The following TRIO variants were observed in gnomAD, a reference collection of about 807,000 sequenced individuals.
TRIO encodes the protein trio Rho guanine nucleotide exchange factor.
In TRIO, 58 loss-of-function variants were observed where a neutral mutation model predicts 351.9. The observed-to-expected ratio is 0.16, with a 90% CI of 0.13 to 0.21. The LOEUF (loss-of-function observed/expected upper bound fraction) is 0.21, where lower values mean the gene tolerates loss of function less well. Among genes scored for constraint, TRIO ranks in the 10% least tolerant of loss-of-function variants. The pLI is 1.00. For missense variants in TRIO, 3,201 were observed against 4,027.8 expected, an observed-to-expected ratio of 0.79 and a Z score of 5.56; for synonymous variants, 1,758 against 1,595.7, an observed-to-expected ratio of 1.10 and a Z score of -2.42.
intron 6 of TRIO, among the ~76,000 whole-genome samples, chr5:14,295,766 C>T (rs1189480666): frequency 6.6e-6 from 1 of 152,196 alleles, no homozygotes; most frequent in Admixed American, 6.5e-5. Context: ...GCGTTAATGC[C>T]ACACGAGCCA....
rs1581541027 is a variant in TRIO, at chr5:14,290,712, TAAGA to T, written c.541-3_541del. The T allele has an allele frequency of 2.5e-6, 4 of 1,584,032 alleles. No individual in the cohort carries two copies. Among genetic ancestry groups the T allele is most frequent in the Middle Eastern group, 1.7e-4 (1 of 5,880 alleles). On this transcript the variant is annotated splice_acceptor_variant and splice_polypyrimidine_tract_variant and coding_sequence_variant and intron_variant, in exon 5 of 57. Transcript: ENST00000344204. LOFTEE classifies it high-confidence loss of function. The stretch of plus-strand genomic sequence containing the variant: ...TTCTCATACGTGATTTTTTTTCCCT[TAAGA>T]CAAATATGGTCTCTTTAGAAGGCCT...
intron 1 of TRIO, among the ~76,000 whole-genome samples, chr5:14,206,161 A>G (rs1336809364): frequency 6.6e-6 from 1 of 152,186 alleles, no homozygotes; most frequent in African/African-American, 2.4e-5. Flanking sequence ...TCCCGGCACA[A>G]GTGATCCTTC....
Position 14,399,057 on chromosome 5 carries a change from A to G in TRIO, c.4601A>G (p.Lys1534Arg). The change falls in exon 30 of 57, where the codon AAA becomes AGA. Residue 1534 changes from lysine (K) to arginine (R), a missense_variant. Coordinates refer to ENST00000344204, the MANE Select transcript of TRIO (RefSeq NM_007118.4). ...DSSGRSKYLY[K>R]SKLFTSELGV... is the part of the protein sequence containing the mutation. The stretch of plus-strand genomic sequence containing the variant: ...AGTGGGAGAAGCAAGTACCTTTATA[A>G]AAGCAAATTGTTTGTAAGTATAGGC... The G allele has an allele frequency of 5.6e-6, 9 of 1,614,108 alleles. No homozygotes were observed. Among genetic ancestry groups the G allele is most frequent in the Non-Finnish European group, 6.8e-6 (8 of 1,179,942 alleles).
chr5:14,377,648 A>G (rs1745680139), intron 19 of TRIO, among the ~76,000 whole-genome samples: 1 of 152,152 alleles, frequency 6.6e-6, no homozygotes, highest in African/African-American at 2.4e-5. Flanking sequence ...CAAGGTTTTA[A>G]TAGTCTTGAA....
chr5:14,267,453 AG>A lies in TRIO; in HGVS notation c.158-3371del, dbSNP rs571819503. On this transcript the variant is annotated intron_variant, in intron 1 of 56. Coordinates refer to ENST00000344204, the MANE Select transcript of TRIO (RefSeq NM_007118.4). ...GGGCAGCCTGTATTTGCTGCTGTTCAGTAAGTTTGAGAACCACAGTTAGATC... is the reference window on the plus strand; with the variant it reads ...GGGCAGCCTGTATTTGCTGCTGTTCATAAGTTTGAGAACCACAGTTAGATC... Among the ~76,000 whole-genome samples, 15 of 152,306 alleles carry A rather than the reference AG, an allele frequency of 9.8e-5. No homozygotes were observed. The South Asian group carries it at 2.9e-3, about 30-fold the overall frequency.
chr5:14,466,935 C>G (rs1292232710), intron 37 of TRIO, among the ~76,000 whole-genome samples: 2 of 152,288 alleles, frequency 1.3e-5, no homozygotes, highest in South Asian at 2.1e-4. Flanking sequence ...AGCACTTATT[C>G]TAAGCCAGGC....
chr5:14,319,401 A>G (rs1349970150), intron 9 of TRIO, among the ~76,000 whole-genome samples: 1 of 152,172 alleles, frequency 6.6e-6, no homozygotes, highest in Non-Finnish European at 1.5e-5. Flanking sequence ...CAAAACCAAA[A>G]ACGTGTTTCT....
chr5:14,399,279 G>A (rs771377043), intron 30 of TRIO: 40 of 554,108 alleles, frequency 7.2e-5, no homozygotes, highest in Non-Finnish European at 1.0e-4. Flanking sequence ...TATAGACTTA[G>A]GAAACTTGCT....
chr5:14,462,735 A>G lies in TRIO; in HGVS notation c.5497-20A>G, dbSNP rs1426154265. On this transcript the variant is annotated intron_variant, in intron 35 of 56. Coordinates refer to ENST00000344204, the MANE Select transcript of TRIO (RefSeq NM_007118.4). ...TGAACTGGCCTGGAATATAATGAGC[A>G]AATCTTGACTGGATTTCAGAGAGGC... The G allele has an allele frequency of 8.1e-6, 13 of 1,613,640 alleles. No individual in the cohort carries two copies. Among genetic ancestry groups the G allele is most frequent in the Admixed American group, 6.7e-5 (4 of 59,980 alleles).
At position 14,502,445 on chromosome 5, in the gene TRIO, C is replaced by G. The variant is rs1488057336; in HGVS notation, c.8333-134C>G. The G allele has an allele frequency of 4.2e-6, 3 of 718,500 alleles. No homozygotes were observed. The African/African-American group carries it at 5.2e-5, about 13-fold the overall frequency. The allele number at this position is 718,500 out of a possible 1,614,324, so 44.5% of individuals were successfully genotyped here. A position where few individuals can be genotyped will look rare whatever the true frequency, so the allele number is the denominator to read the frequency against. On this transcript the variant is annotated intron_variant, in intron 53 of 56. Coordinates refer to ENST00000344204, the MANE Select transcript of TRIO (RefSeq NM_007118.4). ...TGTCCTTTATGCAGCCACCACATCT[C>G]CACTCGCATGAGCCGTGTGGCAGGT... is the stretch of plus-strand genomic sequence containing the variant.
intron 1 of TRIO, among the ~76,000 whole-genome samples, chr5:14,166,294 C>T (rs943636481): frequency 3.3e-5 from 5 of 152,190 alleles, no homozygotes; most frequent in Non-Finnish European, 5.9e-5. Flanking sequence ...GTCTCTCAGT[C>T]GTCCCGTCAC....
chr5:14,229,220 G>C (rs1259654302), intron 1 of TRIO, among the ~76,000 whole-genome samples: 12 of 152,050 alleles, frequency 7.9e-5, no homozygotes. Context: ...TCTAGAACAG[G>C]CTATTAACTT....
chr5:14,351,485 C>G (rs1408732155), intron 11 of TRIO, among the ~76,000 whole-genome samples: 2 of 152,194 alleles, frequency 1.3e-5, no homozygotes, highest in Admixed American at 6.5e-5. Context: ...CCCATTCCCA[C>G]AAGTACCCAG....
intron 1 of TRIO, among the ~76,000 whole-genome samples, chr5:14,214,762 CTG>C (rs770129316): frequency 4.6e-5 from 7 of 152,122 alleles, no homozygotes; most frequent in Non-Finnish European, 1.0e-4. Flanking sequence ...ATTGATTTGT[CTG>C]TGACATCAGT....
chr5:14,230,286 C>A (rs1353787336), intron 1 of TRIO, among the ~76,000 whole-genome samples: 1 of 151,776 alleles, frequency 6.6e-6, no homozygotes, highest in Non-Finnish European at 1.5e-5. Flanking sequence ...GGTCTATGCT[C>A]AGGATTTTTA....
chr5:14,164,830 C>T (rs531544182), intron 1 of TRIO, among the ~76,000 whole-genome samples: 1 of 152,330 alleles, frequency 6.6e-6, no homozygotes, highest in Non-Finnish European at 1.5e-5. Context: ...AAGTCCAATT[C>T]AGCTCTTTAC....
chr5:14,471,241 G>T, intron 37 of TRIO, 77 bp from the exon 38 acceptor site: 2 of 1,423,116 alleles, frequency 1.4e-6, no homozygotes, highest in Non-Finnish European at 1.9e-6. Context: ...TCTGACTTTG[G>T]GTATTTTCTT....
intron 34 of TRIO, among the ~76,000 whole-genome samples, chr5:14,456,910 T>C (rs1211025306): frequency 6.6e-6 from 1 of 152,224 alleles, no homozygotes; most frequent in East Asian, 1.9e-4. Context: ...TTAAAGACTT[T>C]TAAAGCTTTT....
At chr5:14,292,884 G>C in intron 5 of TRIO, 128 bp from the exon 6 acceptor site, 1 of 1,333,888 alleles carries the variant, frequency 7.5e-7, no homozygotes, top group Non-Finnish European at 1.0e-6. Context: ...TCTTCTGAGA[G>C]AATCAGACAG....
Sources: gnomAD v4.1 joint callset for allele counts (sites outside exome capture counted in the v4.1 genomes callset) on GRCh38, gnomAD v4.1.1 for gene constraint, MANE v1.5 for transcripts, NCBI Gene and HGNC (gene_info 2026-07-23, HGNC 2026-07-21) for gene names.